JAKMIP1: variants seen among roughly 807,000 people sequenced by gnomAD.
JAKMIP1 encodes the protein janus kinase and microtubule-interacting protein 1.
JAKMIP1 carries 33 observed loss-of-function variants against 113.0 expected under a neutral mutation model. The ratio of observed to expected loss-of-function variants is 0.29; its 90% CI spans 0.22 to 0.39. The LOEUF is 0.39. JAKMIP1 is among the 10% of genes least tolerant of loss of function. The pLI, the probability that JAKMIP1 is intolerant of heterozygous loss-of-function variation, is 1.00. For synonymous variants in JAKMIP1, 480 were observed against 459.9 expected, an observed-to-expected ratio of 1.04 and a Z score of -0.56; for missense variants, 813 against 1,080.5, an observed-to-expected ratio of 0.75 and a Z score of 3.47.
Position 6,065,066 on chromosome 4 carries a change from G to A in JAKMIP1, c.1303-58C>T. On this transcript the variant is annotated intron_variant, in intron 8 of 20. Coordinates refer to ENST00000409021, the MANE Select transcript of JAKMIP1 (RefSeq NM_001099433.2). The surrounding 1 kb of genome is among the most constrained non-coding windows in gnomAD (Gnocchi z 5.1). Reference sequence around the variant, plus strand: ...GACTGAGGATTGCCAGAGTCTACCAGTCCCTGGTCGTGGGCATGCCAGTGC... The same window carrying A: ...GACTGAGGATTGCCAGAGTCTACCAATCCCTGGTCGTGGGCATGCCAGTGC... 1.2e-6 allele frequency: 2 copies of A among 1,607,012 alleles called. No individual in the cohort carries two copies. Among genetic ancestry groups the A allele is most frequent in the Non-Finnish European group, 8.5e-7 (1 of 1,175,828 alleles).
At chr4:6,126,231 CAA>C (rs1369271301) in intron 1 of JAKMIP1, among the ~76,000 whole-genome samples, 1 of 146,234 alleles carries the variant, frequency 6.8e-6, no homozygotes, top group Non-Finnish European at 1.5e-5. Context: ...CACACACACG[CAA>C]ACACACACCA....
intron 3 of JAKMIP1, among the ~76,000 whole-genome samples, chr4:6,090,920 G>A (rs1241560171): frequency 2.0e-5 from 3 of 152,022 alleles, no homozygotes; most frequent in Non-Finnish European, 4.4e-5. Context: ...AAAACCCCAC[G>A]TTGACCATGA....
chr4:6,131,832 A>G (rs1718554568), intron 1 of JAKMIP1, among the ~76,000 whole-genome samples: 2 of 152,242 alleles, frequency 1.3e-5, no homozygotes, highest in African/African-American at 4.8e-5. Context: ...AAAACTCACC[A>G]GTGTAGAATT....
chr4:6,035,421 A>T (rs535485732), intron 19 of JAKMIP1, among the ~76,000 whole-genome samples: 1 of 152,270 alleles, frequency 6.6e-6, no homozygotes, highest in East Asian at 1.9e-4. Context: ...ATCAGGAGTC[A>T]TGAAGCCCTC....
In JAKMIP1 at chr4:6,176,937, G is replaced by T. The variant is rs1454959983; in HGVS notation, c.-148+23316C>A. ...AGTCTCAGCTACTGGGGAGGCTGAG[G>T]TGGGAGGATCGCTTGCATCGGGGAG... On this transcript the variant is annotated intron_variant, in intron 1 of 20. Coordinates refer to ENST00000409021, the MANE Select transcript of JAKMIP1 (RefSeq NM_001099433.2). The surrounding 1 kb of genome is among the most constrained non-coding windows in gnomAD (Gnocchi z 5.5). Among the ~76,000 whole-genome samples the T allele has an allele frequency of 3.3e-5, 5 of 152,208 alleles. No individual in the cohort carries two copies. Among genetic ancestry groups the T allele is most frequent in the South Asian group, 4.1e-4 (2 of 4,830 alleles).
chr4:6,174,808 C>T (rs76348228), intron 1 of JAKMIP1, among the ~76,000 whole-genome samples: 100 of 151,820 alleles, frequency 6.6e-4, no homozygotes, highest in Middle Eastern at 3.4e-3. Flanking sequence ...GTGACCCCGT[C>T]GTGTCAAGGA....
At chr4:6,056,877 T>C in intron 11 of JAKMIP1, 118 bp from the exon 12 acceptor site, 1 of 758,252 alleles carries the variant, frequency 1.3e-6, no homozygotes, top group Non-Finnish European at 2.3e-6. Flanking sequence ...TCATAAAAAA[T>C]GACAGCCGTG....
rs559075784 is a variant in JAKMIP1 at position 6,080,965 on chromosome 4, G to C, written c.1101+644C>G. Among the ~76,000 whole-genome samples the C allele has an allele frequency of 2.2e-4, 24 of 109,306 alleles. 1 individual carries two copies. The highest frequency in any genetic ancestry group is 1.1e-3 in the African/African-American group (23 of 20,728). 71.7% of individuals were successfully genotyped at this position (109,306 alleles called of 152,430 possible). A position where few individuals can be genotyped will look rare whatever the true frequency, so the allele number is the denominator to read the frequency against. On this transcript the variant is annotated intron_variant, in intron 6 of 20. Coordinates refer to ENST00000409021, the MANE Select transcript of JAKMIP1 (RefSeq NM_001099433.2). This position sits in a 1 kb window ranked among gnomAD's most constrained non-coding sequence, Gnocchi z 6.0. The stretch of plus-strand genomic sequence containing the variant: ...GGAGGGGAAGGCAGGGGAAGGAGAG[G>C]ACTTCACACAACAGCAATTACACAC...
At chr4:6,075,079 A>AG (rs1483844763) in intron 8 of JAKMIP1, among the ~76,000 whole-genome samples, 1 of 152,226 alleles carries the variant, frequency 6.6e-6, no homozygotes, top group Admixed American at 6.5e-5. Flanking sequence ...AATAATGAAA[A>AG]GGAAAAAAAA....
chr4:6,087,968 C>T (rs1419486804), intron 3 of JAKMIP1, among the ~76,000 whole-genome samples: 1 of 152,186 alleles, frequency 6.6e-6, no homozygotes, highest in East Asian at 1.9e-4. Context: ...GGTAGGAGCA[C>T]TGTCCCTTCC....
intron 1 of JAKMIP1, among the ~76,000 whole-genome samples, chr4:6,114,396 G>A (rs1715429833): frequency 6.6e-6 from 1 of 152,202 alleles, no homozygotes; most frequent in Admixed American, 6.5e-5. Flanking sequence ...TGGAGTCCAT[G>A]TGACCTCAGC....
rs891329510 is a variant in JAKMIP1 at position 6,093,280 on chromosome 4, C to G, written c.625-7651G>C. ...ACCGTCCTGCTCACACTAGAATAAT[C>G]TGCTCACACTCCAGTTAACTGTAAG... On this transcript the variant is annotated intron_variant, in intron 3 of 20. Coordinates refer to ENST00000409021, the MANE Select transcript of JAKMIP1 (RefSeq NM_001099433.2). The surrounding 1 kb of genome is among the most constrained non-coding windows in gnomAD (Gnocchi z 4.6). Among the ~76,000 whole-genome samples the G allele has an allele frequency of 6.6e-6, 1 of 152,196 alleles. No individual in the cohort carries two copies. The highest frequency in any genetic ancestry group is 2.4e-5 in the African/African-American group (1 of 41,446).
chr4:6,105,391 G>C, intron 3 of JAKMIP1, 82 bp downstream of exon 3: 1 of 1,373,808 alleles, frequency 7.3e-7, no homozygotes, highest in African/African-American at 1.4e-5. Flanking sequence ...AGCACAGCAG[G>C]TCCTCGGAGC....
chr4:6,085,096 C>T (rs1430429260), intron 4 of JAKMIP1, 131 bp from the exon 5 acceptor site: 6 of 1,163,182 alleles, frequency 5.2e-6, no homozygotes, highest in Non-Finnish European at 5.9e-6. Context: ...ACATGCCACA[C>T]AGCAAGGTGG....
At position 6,188,314 on chromosome 4, in the gene JAKMIP1, T is replaced by G. The variant is rs1726865989; in HGVS notation, c.-148+11939A>C. Among the ~76,000 whole-genome samples the G allele has an allele frequency of 6.6e-6, 1 of 152,136 alleles. No homozygotes were observed. The highest frequency in any genetic ancestry group is 1.5e-5 in the Non-Finnish European group (1 of 68,018). ...GACAGCTCATTGCTTCAGACTAAGG[T>G]GGGGAGGGATGGTCAGGATTCAGAA... On this transcript the variant is annotated intron_variant, in intron 1 of 20. Coordinates refer to ENST00000409021, the MANE Select transcript of JAKMIP1 (RefSeq NM_001099433.2). This position sits in a 1 kb window ranked among gnomAD's most constrained non-coding sequence, Gnocchi z 5.8.
intron 1 of JAKMIP1, among the ~76,000 whole-genome samples, chr4:6,182,439 G>GAAAGA (rs1311948154): frequency 2.4e-4 from 36 of 147,976 alleles, no homozygotes; most frequent in African/African-American, 6.2e-4. Context: ...AAGAAAGAAA[G>GAAAGA]AAAGAAAAGA....
At position 6,188,115 on chromosome 4, in the gene JAKMIP1, G is replaced by A. The variant is rs1442570331; in HGVS notation, c.-148+12138C>T. Among the ~76,000 whole-genome samples the A allele has an allele frequency of 6.6e-6, 1 of 152,042 alleles. No individual in the cohort carries two copies. The highest frequency in any genetic ancestry group is 1.5e-5 in the Non-Finnish European group (1 of 68,020). ...TTCTTTTTGGTTCCAGTAAATGGGA[G>A]CCAATCAATTATTTATCCAAGAGTC... On this transcript the variant is annotated intron_variant, in intron 1 of 20. Coordinates refer to ENST00000409021, the MANE Select transcript of JAKMIP1 (RefSeq NM_001099433.2). The surrounding 1 kb of genome is among the most constrained non-coding windows in gnomAD (Gnocchi z 5.8).
rs1054362283 is a variant in JAKMIP1 at position 6,140,542 on chromosome 4, G to A, written c.-147-27545C>T. ...AATGTGGCTCGGGTCTTTCTGCAGG[G>A]TCAGAGGGAAGTCGGCCCGCTAGGT... is the stretch of plus-strand genomic sequence containing the variant. On this transcript the variant is annotated intron_variant, in intron 1 of 20. Coordinates refer to ENST00000409021, the MANE Select transcript of JAKMIP1 (RefSeq NM_001099433.2). This position sits in a 1 kb window ranked among gnomAD's most constrained non-coding sequence, Gnocchi z 9.4. 9.9e-5 allele frequency among the ~76,000 whole-genome samples: 15 copies of A among 152,220 alleles called. No individual in the cohort carries two copies. Among genetic ancestry groups the A allele is most frequent in the African/African-American group, 3.1e-4 (13 of 41,486 alleles).
intron 5 of JAKMIP1, among the ~76,000 whole-genome samples, chr4:6,083,014 A>T (rs1303385525): frequency 6.6e-6 from 1 of 152,230 alleles, no homozygotes; most frequent in East Asian, 1.9e-4. Context: ...CATATCCATA[A>T]AATAAAACAA....
Sources: gnomAD v4.1 joint callset for allele counts (sites outside exome capture counted in the v4.1 genomes callset) on GRCh38, gnomAD v4.1.1 for gene constraint, Gnocchi (gnomAD v3.1) non-coding constraint, MANE v1.5 for transcripts, NCBI Gene and HGNC (gene_info 2026-07-23, HGNC 2026-07-21) for gene names.